POLE: variants seen among roughly 807,000 people sequenced by gnomAD.
The protein encoded by POLE is DNA polymerase epsilon, catalytic subunit.
In POLE, 188 loss-of-function variants were observed where a neutral mutation model predicts 279.2. The ratio of observed to expected loss-of-function variants is 0.67; its 90% CI spans 0.60 to 0.76. The LOEUF (loss-of-function observed/expected upper bound fraction) is 0.76. Among genes scored for constraint, POLE ranks in the 30% least tolerant of loss-of-function variants. The probability of loss-of-function intolerance (pLI) is 0.00; values close to 1 mark genes in which losing one functional copy is unlikely to be tolerated. For missense variants in POLE, 2,703 were observed against 3,016.7 expected, an observed-to-expected ratio of 0.90 and a Z score of 2.44; for synonymous variants, 1,214 against 1,172.5, an observed-to-expected ratio of 1.04 and a Z score of -0.72.
chr12:132,665,286 G>A lies in POLE; in HGVS notation c.2468+16C>T, dbSNP rs772653293. 4 of 1,609,962 alleles carry A rather than the reference G, an allele frequency of 2.5e-6. No homozygotes were observed. In the African/African-American group the frequency reaches 4.0e-5, roughly 16 times the overall value. On this transcript the variant is annotated intron_variant, in intron 21 of 48. Transcript: ENST00000320574. ...CATTCCTCCCATAAGCCTCTCCCGGGCCCGGGCCCACCTACCCCTTGCGCA... is the reference window on the plus strand; with the variant it reads ...CATTCCTCCCATAAGCCTCTCCCGGACCCGGGCCCACCTACCCCTTGCGCA...
intron 46 of POLE, 102 bp downstream of exon 46, chr12:132,626,015 A>G (rs973183893): frequency 1.1e-5 from 13 of 1,214,276 alleles, no homozygotes; most frequent in Middle Eastern, 2.7e-4. Flanking sequence ...GAGGGGCAGC[A>G]GGTGTGACCC....
intron 45 of POLE, among the ~76,000 whole-genome samples, chr12:132,629,762 A>G (rs1593703235): frequency 6.6e-6 from 1 of 152,186 alleles, no homozygotes; most frequent in Admixed American, 6.5e-5. Flanking sequence ...CTGGAGGAGC[A>G]CTTGTAATTT....
rs1473397420 is a variant in POLE, at chr12:132,661,777, A to C, written c.2707-93T>G. ...TCCCTCCAGGAGTGGATGGATTGAC[A>C]AACCGAGGCTTTTCCACATAACTAA... On this transcript the variant is annotated intron_variant, in intron 23 of 48. Transcript: ENST00000320574. The surrounding 1 kb of genome is among the most constrained non-coding windows in gnomAD (Gnocchi z 4.1). The C allele has an allele frequency of 7.7e-7, 1 of 1,292,100 alleles. No individual in the cohort carries two copies. The highest frequency in any genetic ancestry group is 1.1e-6 in the Non-Finnish European group (1 of 929,836). 80.0% of individuals were successfully genotyped at this position (1,292,100 alleles called of 1,614,324 possible). A position where few individuals can be genotyped will look rare whatever the true frequency, so the allele number is the denominator to read the frequency against.
intron 19 of POLE, among the ~76,000 whole-genome samples, chr12:132,667,976 A>C (rs908794879): frequency 6.6e-6 from 1 of 152,098 alleles, no homozygotes; most frequent in Non-Finnish European, 1.5e-5. Context: ...CCAGCTACTT[A>C]GGAGGCTGAG....
chr12:132,659,528 T>C lies in POLE; in HGVS notation c.3061-19A>G, dbSNP rs2042633486. ...TGGCTGCCTAGAGAAAGACAATGGG[T>C]AAAACACTGCAGAAATCAAGGGGCA... On this transcript the variant is annotated intron_variant, in intron 25 of 48. Coordinates refer to ENST00000320574, the MANE Select transcript of POLE (RefSeq NM_006231.4). 6.2e-7 allele frequency: 1 copy of C among 1,602,886 alleles called. No homozygotes were observed. Among genetic ancestry groups the C allele is most frequent in the African/African-American group, 1.3e-5 (1 of 74,638 alleles).
chr12:132,642,288 G>A lies in POLE; in HGVS notation c.5062C>T (p.Pro1688Ser), dbSNP rs781114688. 1 of 1,607,632 alleles carries A rather than the reference G, an allele frequency of 6.2e-7. No individual in the cohort carries two copies. The highest frequency in any genetic ancestry group is 2.2e-5 in the East Asian group (1 of 44,834). The change falls in exon 38 of 49, where the codon CCT becomes TCT. Residue 1688 changes from proline (P) to serine (S), a missense_variant. Around this residue, in one of 5 missense-constraint regions of POLE, gnomAD observed 1,551 missense variants for 1,686.1 expected, o/e 0.92. Transcript: ENST00000320574. ...QRHNHLLWLS[P>S]TARPDLGGKE... ...CCACCCAGGTCAGGGCGGGCTGTAG[G>A]GGACAGCCAGAGCAGGTGGTTGTGG...
intron 45 of POLE, among the ~76,000 whole-genome samples, chr12:132,630,774 T>A (rs916424265): frequency 2.4e-4 from 36 of 152,156 alleles, no homozygotes; most frequent in African/African-American, 8.7e-4. Context: ...AGAAACACAA[T>A]GCGATACCAC....
rs1294320752 is a variant in POLE at position 132,668,787 on chromosome 12, C to CT, written c.1923+23dup. 5.6e-6 allele frequency: 9 copies of CT among 1,613,684 alleles called. No individual in the cohort carries two copies. In the African/African-American group the frequency reaches 1.2e-4, roughly 22 times the overall value. ...GGGCTGGGCAGAGAGAGCTCCGACT[C>CT]TGACACGGGAAGTAAAGTCTCACCT... On this transcript the variant is annotated intron_variant, in intron 17 of 48. Transcript: ENST00000320574. This position sits in a 1 kb window ranked among gnomAD's most constrained non-coding sequence, Gnocchi z 4.0.
chr12:132,674,856 T>C (rs1458882478), intron 12 of POLE, among the ~76,000 whole-genome samples: 1,615 of 111,442 alleles, frequency 0.014, 35 homozygotes, highest in African/African-American at 0.053. Context: ...CCTCCCTCCC[T>C]TCCCTTCCTT....
intron 39 of POLE, chr12:132,641,303 T>C: frequency 2.5e-6 from 1 of 394,758 alleles, no homozygotes; most frequent in South Asian, 2.1e-5. Context: ...GACACCTAAG[T>C]GCTGATGCCT....
At chr12:132,672,595 G>A (rs762985435) in intron 15 of POLE, 32 bp downstream of exon 15, 1 of 1,601,354 alleles carries the variant, frequency 6.2e-7, no homozygotes, top group South Asian at 1.1e-5. Flanking sequence ...CACAAGAGTG[G>A]GAAGAATCTG....
In POLE at chr12:132,675,457, G is replaced by A; in HGVS notation, c.1167C>T (p.Phe389=). 6.2e-7 allele frequency: 1 copy of A among 1,614,150 alleles called. No individual in the cohort carries two copies. Among genetic ancestry groups the A allele is most frequent in the Non-Finnish European group, 8.5e-7 (1 of 1,180,018 alleles). ...HGLSMQQEIG[F]QKDSQGEYKA... ...TGTACTCCCCCTGGCTGTCCTTCTG[G>A]AAGCCTATCTCCTGCTGCATGCTCA... The change falls in exon 12 of 49, where the codon TTC becomes TTT. Residue 389 remains phenylalanine (F), a synonymous_variant. Coordinates refer to ENST00000320574, the MANE Select transcript of POLE (RefSeq NM_006231.4). The surrounding 1 kb of genome is among the most constrained non-coding windows in gnomAD (Gnocchi z 4.3).
intron 30 of POLE, 26 bp from the exon 31 acceptor site, chr12:132,649,541 G>C (rs1226399857): frequency 1.2e-6 from 2 of 1,607,554 alleles, no homozygotes; most frequent in South Asian, 1.1e-5. Flanking sequence ...AGCACAGCCA[G>C]TGTGCAAGTG....
At chr12:132,670,785 G>C (rs991359399) in intron 16 of POLE, among the ~76,000 whole-genome samples, 1 of 151,350 alleles carries the variant, frequency 6.6e-6, no homozygotes, top group Non-Finnish European at 1.5e-5. Context: ...CACCGTGCCC[G>C]GCCATGGCCG....
chr12:132,677,556 G>A (rs530753275), intron 7 of POLE, 22 bp downstream of exon 7: 129 of 1,613,714 alleles, frequency 8.0e-5, no homozygotes, highest in African/African-American at 1.6e-4. Flanking sequence ...TGTGAGCAGC[G>A]ACCCAACCCT....
At chr12:132,636,161 C>G (rs760336740) in intron 41 of POLE, 137 bp from the exon 42 acceptor site, 29 of 895,344 alleles carry the variant, frequency 3.2e-5, no homozygotes, top group Non-Finnish European at 4.4e-5. Context: ...CCACATCATC[C>G]CTCAGGCTTC....
chr12:132,641,582 T>G lies in POLE; in HGVS notation c.5378+65A>C. ...TGGACCCTGTCTTAGACCTTAGCTT[T>G]CCAAATTAAGGGCAAAGGATAAGAC... On this transcript the variant is annotated intron_variant, in intron 39 of 48. Transcript: ENST00000320574. The G allele has an allele frequency of 2.1e-6, 3 of 1,419,624 alleles. No individual in the cohort carries two copies. The East Asian group carries it at 7.0e-5, about 33-fold the overall frequency. 87.9% of individuals were successfully genotyped at this position (1,419,624 alleles called of 1,614,324 possible).
chr12:132,677,747 T>C (rs760505772), intron 6 of POLE, 28 bp from the exon 7 acceptor site: 1 of 1,609,886 alleles, frequency 6.2e-7, no homozygotes, highest in South Asian at 1.1e-5. Context: ...AGCAACTAAC[T>C]CAGCTGCCAG....
chr12:132,649,249 C>T (rs1212728517), intron 31 of POLE, 57 bp downstream of exon 31: 1 of 1,568,434 alleles, frequency 6.4e-7, no homozygotes, highest in Non-Finnish European at 8.8e-7. Context: ...CAGCTGGACA[C>T]CCCCTCCCTG....
Sources: gnomAD v4.1 joint callset for allele counts (sites outside exome capture counted in the v4.1 genomes callset) on GRCh38, gnomAD v4.1.1 for gene constraint, gnomAD v4.1.1 regional missense constraint, Gnocchi (gnomAD v3.1) non-coding constraint, MANE v1.5 for transcripts, NCBI Gene and HGNC (gene_info 2026-07-23, HGNC 2026-07-21) for gene names.